ATXN7: variants seen among roughly 807,000 people sequenced by gnomAD.
The protein encoded by ATXN7 is ataxin-7.
Under a neutral mutation model 70.5 loss-of-function variants are expected in ATXN7, and 12 were observed. The observed-to-expected ratio is 0.17, with a 90% CI of 0.11 to 0.28. The LOEUF (loss-of-function observed/expected upper bound fraction) is 0.28. Ranked by LOEUF, ATXN7 falls within the 10% of genes least tolerant of loss-of-function variation. The pLI, the probability that ATXN7 is intolerant of heterozygous loss-of-function variation, is 1.00. For synonymous variants in ATXN7, 498 were observed against 448.7 expected, an observed-to-expected ratio of 1.11 and a Z score of -1.39; for missense variants, 1,256 against 1,131.7, an observed-to-expected ratio of 1.11 and a Z score of -1.58.
intron 1 of ATXN7, among the ~76,000 whole-genome samples, chr3:63,874,910 G>T (rs1290590175): frequency 2.0e-5 from 3 of 152,150 alleles, no homozygotes; most frequent in Non-Finnish European, 2.9e-5. Flanking sequence ...TCCATGATCA[G>T]GGTGCCAGCA....
intron 2 of ATXN7, among the ~76,000 whole-genome samples, chr3:63,903,036 A>C (rs1703702287): frequency 1.3e-5 from 2 of 152,004 alleles, no homozygotes; most frequent in Non-Finnish European, 2.9e-5. Context: ...AGTTATCTAG[A>C]TTGTTTTTTG....
At chr3:63,930,581 G>T (rs1047428710) in intron 4 of ATXN7, among the ~76,000 whole-genome samples, 2 of 151,518 alleles carry the variant, frequency 1.3e-5, no homozygotes, top group Non-Finnish European at 2.9e-5. Context: ...GCCCAGGCTG[G>T]AGTGCAGTGG....
intron 5 of ATXN7, among the ~76,000 whole-genome samples, chr3:63,958,326 C>T (rs750533736): frequency 1.3e-5 from 2 of 152,092 alleles, no homozygotes; most frequent in Non-Finnish European, 2.9e-5. Context: ...CTTATATATT[C>T]ATATGAGAAA....
At chr3:63,984,377 A>T (rs1354301176) in intron 8 of ATXN7, among the ~76,000 whole-genome samples, 1 of 152,064 alleles carries the variant, frequency 6.6e-6, no homozygotes, top group African/African-American at 2.4e-5. Context: ...TGTATAGGGT[A>T]CTAATTGGAC....
At chr3:63,915,202 T>C (rs1349204060) in intron 4 of ATXN7, among the ~76,000 whole-genome samples, 1 of 152,198 alleles carries the variant, frequency 6.6e-6, no homozygotes, top group African/African-American at 2.4e-5. Flanking sequence ...CCCAAAGTGC[T>C]GGGATTACAG....
At chr3:63,877,072 TAA>T (rs1469702902) in intron 1 of ATXN7, among the ~76,000 whole-genome samples, 2 of 152,190 alleles carry the variant, frequency 1.3e-5, no homozygotes, top group Admixed American at 1.3e-4. Context: ...TTTTTTAATT[TAA>T]GAGCAAAGTC....
chr3:63,920,222 G>A (rs1056367240), intron 4 of ATXN7, among the ~76,000 whole-genome samples: 2 of 152,162 alleles, frequency 1.3e-5, no homozygotes, highest in Non-Finnish European at 2.9e-5. Flanking sequence ...CATGTGCACA[G>A]TAGGATGGGG....
In ATXN7 at chr3:63,938,016, AC is replaced by A. The variant is rs1307551833; in HGVS notation, c.395-14361del. On this transcript the variant is annotated intron_variant, in intron 4 of 12. Coordinates refer to ENST00000674280, the MANE Select transcript of ATXN7 (RefSeq NM_001377405.1). ...AGGTTGTATTTTAAACATTTGCCTG[AC>A]CTTTTACTTCAGAAGCACTCGAAAC... Among the ~76,000 whole-genome samples the A allele has an allele frequency of 2.6e-5, 4 of 152,328 alleles. No individual in the cohort carries two copies. In the South Asian group the frequency reaches 8.3e-4, roughly 32 times the overall value.
chr3:63,889,340 A>G (rs778884005), intron 1 of ATXN7, among the ~76,000 whole-genome samples: 5 of 152,232 alleles, frequency 3.3e-5, no homozygotes, highest in Non-Finnish European at 7.3e-5. Flanking sequence ...GAAATCTTCA[A>G]AGGAGAGAGA....
At chr3:63,977,664 C>G (rs2075410864) in intron 5 of ATXN7, among the ~76,000 whole-genome samples, 1 of 152,096 alleles carries the variant, frequency 6.6e-6, no homozygotes, top group Non-Finnish European at 1.5e-5. Flanking sequence ...TGGGGCCCAT[C>G]TGGAAATGGA....
At chr3:63,980,281 A>C in intron 6 of ATXN7, 114 bp downstream of exon 6, 3 of 1,373,828 alleles carry the variant, frequency 2.2e-6, no homozygotes, top group Non-Finnish European at 3.0e-6. Flanking sequence ...CTTGGGGAAG[A>C]ATTCAAATGT....
chr3:63,932,704 C>T (rs2074571873), intron 4 of ATXN7, among the ~76,000 whole-genome samples: 1 of 152,144 alleles, frequency 6.6e-6, no homozygotes, highest in Non-Finnish European at 1.5e-5. Context: ...AGACAATTTC[C>T]CTCTGCTCCT....
At chr3:63,918,977 G>A (rs986588179) in intron 4 of ATXN7, among the ~76,000 whole-genome samples, 13 of 152,144 alleles carry the variant, frequency 8.5e-5, no homozygotes, top group Admixed American at 6.5e-4. Flanking sequence ...GCTCCTGTGC[G>A]TGTCTCCTTC....
At chr3:63,897,569 A>G (rs980185828) in intron 1 of ATXN7, among the ~76,000 whole-genome samples, 4 of 152,190 alleles carry the variant, frequency 2.6e-5, no homozygotes, top group African/African-American at 4.8e-5. Context: ...GCAAAGCACT[A>G]TTACCTCCTC....
chr3:63,930,500 C>CACTT (rs1704907326), intron 4 of ATXN7, among the ~76,000 whole-genome samples: 3 of 151,886 alleles, frequency 2.0e-5, no homozygotes, highest in Admixed American at 2.0e-4. Flanking sequence ...GAAGAATAGC[C>CACTT]ACTTGATCTT....
At chr3:63,877,602 C>T (rs956683934) in intron 1 of ATXN7, among the ~76,000 whole-genome samples, 1 of 152,222 alleles carries the variant, frequency 6.6e-6, no homozygotes, top group African/African-American at 2.4e-5. Context: ...GTGTCTTTAT[C>T]TTAGCAACTG....
rs772199550 is a variant in ATXN7, at chr3:63,996,280, G to T, written c.2458G>T (p.Gly820Cys). The change falls in exon 12 of 13, where the codon GGC becomes TGC. Residue 820 changes from glycine (G) to cysteine (C), a missense_variant. By Grantham distance (159) the Gly-to-Cys change is radical. Coordinates refer to ENST00000674280, the MANE Select transcript of ATXN7 (RefSeq NM_001377405.1). Reference protein sequence around the residue: ...QSNELPVNSHGSFSHSHTPLD... With the variant: ...QSNELPVNSHCSFSHSHTPLD... The stretch of plus-strand genomic sequence containing the variant: ...CAATGAACTGCCTGTCAACTCCCAC[G>T]GCAGTTTTTCCCACTCACACACTCC... The T allele has an allele frequency of 1.2e-6, 2 of 1,614,056 alleles. No individual in the cohort carries two copies. The highest frequency in any genetic ancestry group is 1.1e-5 in the South Asian group (1 of 91,072).
intron 2 of ATXN7, chr3:63,901,239 G>C (rs1012430158): frequency 6.6e-6 from 1 of 152,070 alleles, no homozygotes; most frequent in Non-Finnish European, 1.5e-5. Context: ...ATTAACGTAG[G>C]CATTACTTCT....
chr3:63,871,610 T>G (rs758183173), intron 1 of ATXN7, among the ~76,000 whole-genome samples: 5 of 152,124 alleles, frequency 3.3e-5, no homozygotes, highest in Non-Finnish European at 7.4e-5. Context: ...GGCCTATCCA[T>G]GTAGTGGAAT....
Sources: allele counts gnomAD v4.1 joint callset (sites outside exome capture counted in the v4.1 genomes callset), GRCh38; gene constraint gnomAD v4.1.1; transcripts MANE v1.5; gene names NCBI Gene and HGNC (gene_info 2026-07-23, HGNC 2026-07-21).